Variants in AP1B1 observed in about 807,000 individuals in gnomAD.
AP1B1 encodes adaptor related protein complex 1 subunit beta 1.
Under a neutral mutation model 104.3 loss-of-function variants are expected in AP1B1, and 36 were observed. The ratio of observed to expected loss-of-function variants is 0.35; its 90% CI spans 0.26 to 0.46. AP1B1 has a LOEUF of 0.46. AP1B1 is among the 20% of genes least tolerant of loss of function. The pLI is 1.00. For missense variants in AP1B1, 901 were observed against 1,247.9 expected, an observed-to-expected ratio of 0.72 and a Z score of 4.19; for synonymous variants, 504 against 517.5, an observed-to-expected ratio of 0.97 and a Z score of 0.35.
At chr22:29,346,335 G>A (rs915646907) in intron 11 of AP1B1, among the ~76,000 whole-genome samples, 2 of 152,136 alleles carry the variant, frequency 1.3e-5, no homozygotes, top group Admixed American at 6.5e-5. Flanking sequence ...CTACAGCAGC[G>A]GTTCCCAGCC....
At chr22:29,379,788 C>T (rs555665118) in intron 1 of AP1B1, among the ~76,000 whole-genome samples, 3 of 152,236 alleles carry the variant, frequency 2.0e-5, no homozygotes, top group South Asian at 2.1e-4. Flanking sequence ...AGATGCACCA[C>T]GAAATTGCCA....
intron 14 of AP1B1, 147 bp downstream of exon 14, chr22:29,340,509 G>A (rs1241390478): frequency 9.0e-6 from 8 of 889,126 alleles, no homozygotes; most frequent in Non-Finnish European, 9.8e-6. Flanking sequence ...TAAGTAGGGA[G>A]CTACACAATC....
intron 17 of AP1B1, among the ~76,000 whole-genome samples, chr22:29,332,862 G>A (rs1049685656): frequency 3.9e-5 from 6 of 152,220 alleles, no homozygotes; most frequent in East Asian, 1.9e-4. Flanking sequence ...ACTACTGCTC[G>A]CTATGTGAGC....
At chr22:29,373,285 A>T (rs1243989292) in intron 1 of AP1B1, among the ~76,000 whole-genome samples, 1 of 152,090 alleles carries the variant, frequency 6.6e-6, no homozygotes, top group Non-Finnish European at 1.5e-5. Flanking sequence ...AAAAGAAAAA[A>T]AGAGTGGGGG....
At chr22:29,350,938 CATGATT>C (rs1300617134) in intron 9 of AP1B1, among the ~76,000 whole-genome samples, 4 of 152,186 alleles carry the variant, frequency 2.6e-5, no homozygotes, top group Non-Finnish European at 5.9e-5. Flanking sequence ...GCAGGAGAAC[CATGATT>C]ATGATGGGTT....
intron 11 of AP1B1, 53 bp from the exon 12 acceptor site, chr22:29,342,436 AG>A: frequency 6.8e-7 from 1 of 1,462,766 alleles, no homozygotes; most frequent in Non-Finnish European, 9.5e-7. Flanking sequence ...ATGGGGATAG[AG>A]GGAGAACAAA....
intron 11 of AP1B1, among the ~76,000 whole-genome samples, chr22:29,346,515 C>A (rs2061794644): frequency 6.6e-6 from 1 of 152,168 alleles, no homozygotes; most frequent in South Asian, 2.1e-4. Flanking sequence ...ATAGAGTTTG[C>A]GCTCCTATGA....
intron 1 of AP1B1, among the ~76,000 whole-genome samples, chr22:29,374,777 A>G (rs895097420): frequency 3.9e-5 from 6 of 152,242 alleles, no homozygotes; most frequent in Non-Finnish European, 7.3e-5. Context: ...AGGACTTTAC[A>G]TGTGGAAAAC....
intron 5 of AP1B1, 105 bp from the exon 6 acceptor site, chr22:29,356,721 AAT>A (rs2061964384): frequency 9.3e-7 from 1 of 1,074,900 alleles, no homozygotes; most frequent in East Asian, 2.5e-5. Flanking sequence ...TCCTGAAAGG[AAT>A]ATGACCCAAT....
rs771569376 is a variant in AP1B1, at chr22:29,358,746, T to C, written c.505A>G (p.Ile169Val). Residue 169 changes from isoleucine to valine, a missense_variant, in exon 5 of 23, where the codon ATC becomes GTC. Coordinates refer to ENST00000357586, the MANE Select transcript of AP1B1 (RefSeq NM_001127.4). ...CTTACCATGGGGTTAGAGTCGGAGA[T>C]GAGGTCTTTAAGGGTGTCCAGGAAG... is the stretch of plus-strand genomic sequence containing the variant. ...QGFLDTLKDL[I>V]SDSNPMVVAN... 2 of 1,613,284 alleles carry C rather than the reference T, an allele frequency of 1.2e-6. No individual in the cohort carries two copies. Among genetic ancestry groups the C allele is most frequent in the East Asian group, 2.2e-5 (1 of 44,864 alleles).
rs751794492 is a variant in AP1B1, at chr22:29,358,982, C to T, written c.280-11G>A. ...GGGGTCCTCACAGTCCTGGGGGGAACCAGCCATCGGCCAGGGCAGGGGTGG... is the reference window on the plus strand; with the variant it reads ...GGGGTCCTCACAGTCCTGGGGGGAATCAGCCATCGGCCAGGGCAGGGGTGG... On this transcript the variant is annotated splice_polypyrimidine_tract_variant and intron_variant, in intron 4 of 22. Transcript: ENST00000357586. The T allele has an allele frequency of 5.4e-5, 86 of 1,598,482 alleles. 1 individual carries two copies. In the South Asian group the frequency reaches 9.5e-4, roughly 18 times the overall value.
chr22:29,365,630 C>A (rs1490956728), intron 2 of AP1B1, among the ~76,000 whole-genome samples: 1 of 152,056 alleles, frequency 6.6e-6, no homozygotes, highest in Non-Finnish European at 1.5e-5. Context: ...CAATTAGTTG[C>A]CCAGGCTAGA....
intron 22 of AP1B1, chr22:29,329,132 A>C: frequency 7.5e-7 from 1 of 1,336,802 alleles, no homozygotes; most frequent in Non-Finnish European, 9.6e-7. Flanking sequence ...CAGTCACCAG[A>C]GCCCTGCTGG....
chr22:29,347,201 G>C (rs1038698172), intron 11 of AP1B1, among the ~76,000 whole-genome samples: 1 of 152,164 alleles, frequency 6.6e-6, no homozygotes, highest in African/African-American at 2.4e-5. Context: ...TCCCAGAAGA[G>C]AGCATGCTAC....
Position 29,354,632 on chromosome 22 carries a change from G to T in AP1B1, c.938+18C>A. The stretch of plus-strand genomic sequence containing the variant: ...CCCCGAGGGGTACGCATGGACGTGC[G>T]TGTGGTGACCTCAGTACCTTTTCTG... On this transcript the variant is annotated intron_variant, in intron 7 of 22. Transcript: ENST00000357586. The T allele has an allele frequency of 2.5e-6, 4 of 1,611,308 alleles. No homozygotes were observed. Among genetic ancestry groups the T allele is most frequent in the Non-Finnish European group, 3.4e-6 (4 of 1,177,670 alleles).
chr22:29,329,015 C>T (rs751952573), intron 22 of AP1B1, 120 bp from the exon 23 acceptor site: 130 of 1,485,242 alleles, frequency 8.8e-5, no homozygotes, highest in Non-Finnish European at 1.1e-4. Context: ...CACAGCCTGG[C>T]GGCAGCTGCG....
At chr22:29,351,130 CT>C in intron 9 of AP1B1, 40 bp downstream of exon 9, 1 of 1,569,438 alleles carries the variant, frequency 6.4e-7, no homozygotes. Flanking sequence ...TTTCAGCCCC[CT>C]TTTCCTTCTC....
At chr22:29,364,919 G>A (rs1258218552) in intron 2 of AP1B1, among the ~76,000 whole-genome samples, 20 of 151,772 alleles carry the variant, frequency 1.3e-4, no homozygotes, top group Non-Finnish European at 2.6e-4. Context: ...ATGTTGGCCC[G>A]GCTGGTCTCA....
chr22:29,348,248 C>G (rs1361491636), intron 11 of AP1B1, among the ~76,000 whole-genome samples: 1 of 152,238 alleles, frequency 6.6e-6, no homozygotes, highest in Non-Finnish European at 1.5e-5. Flanking sequence ...TTTCAGTTGC[C>G]TGACACACAC....
Sources: allele counts gnomAD v4.1 joint callset (sites outside exome capture counted in the v4.1 genomes callset), GRCh38; gene constraint gnomAD v4.1.1; transcripts MANE v1.5; gene names NCBI Gene and HGNC (gene_info 2026-07-23, HGNC 2026-07-21).